The following PIEZO2 variants were observed in gnomAD, a reference collection of about 807,000 sequenced individuals.
PIEZO2 encodes the protein piezo type mechanosensitive ion channel component 2, also known as piezo-type mechanosensitive ion channel component 2.
A neutral mutation model predicts 337.3 loss-of-function variants in PIEZO2; 172 were observed. The observed-to-expected ratio is 0.51, with a 90% confidence interval of 0.45 to 0.58. The LOEUF is 0.58. Among genes scored for constraint, PIEZO2 ranks in the 20% least tolerant of loss-of-function variants. The pLI, the probability that PIEZO2 is intolerant of heterozygous loss-of-function variation, is 0.00. For missense variants in PIEZO2, 3,028 were observed against 3,391.3 expected (o/e 0.89, Z 2.66); for synonymous variants, 1,251 against 1,228.5 (o/e 1.02, Z -0.38).
rs1416491387 is a variant in PIEZO2 at position 10,748,025 on chromosome 18, GGAA to G, written c.4424+443_4424+445del. 2.0e-5 allele frequency among the ~76,000 whole-genome samples: 3 copies of G among 152,018 alleles called. No homozygotes were observed. Among genetic ancestry groups the G allele is most frequent in the African/African-American group, 7.3e-5 (3 of 41,370 alleles). ...ACTTACAAGAGCAGGGGCAAAAACT[GGAA>G]GAAGAATGGAGCCTAGGGGAAAAAA... On this transcript the variant is annotated intron_variant, in intron 30 of 55. Transcript: ENST00000674853. This position sits in a 1 kb window ranked among gnomAD's most constrained non-coding sequence, Gnocchi z 5.1.
chr18:10,878,733 AAGTCAGAAACAC>A lies in PIEZO2; in HGVS notation c.330-7330_330-7319del, dbSNP rs1368424260. Among the ~76,000 whole-genome samples, 4 of 152,182 alleles carry A rather than the reference AAGTCAGAAACAC, an allele frequency of 2.6e-5. No individual in the cohort carries two copies. Among genetic ancestry groups the A allele is most frequent in the African/African-American group, 7.2e-5 (3 of 41,438 alleles). On this transcript the variant is annotated intron_variant, in intron 4 of 55. Transcript: ENST00000674853. The surrounding 1 kb of genome is among the most constrained non-coding windows in gnomAD (Gnocchi z 4.3). ...TGTGAAGTTATATATGAAGGAAGTA[AAGTCAGAAACAC>A]AGGGTAAGGTCAGACCATACAAAGC...
intron 2 of PIEZO2, among the ~76,000 whole-genome samples, chr18:11,063,670 T>C (rs993428545): frequency 6.6e-6 from 1 of 152,206 alleles, no homozygotes; most frequent in Non-Finnish European, 1.5e-5. Context: ...CTGCCAGCAA[T>C]ACATGGTGGC....
rs1567983816 is a variant in PIEZO2 at position 10,720,407 on chromosome 18, GTGTATGTGTATGTATATATATATATATA to G, written c.5030-2176_5030-2149del. 4.2e-3 allele frequency among the ~76,000 whole-genome samples: 50 copies of G among 11,912 alleles called. 2 individuals carry two copies. Among genetic ancestry groups the G allele is most frequent in the African/African-American group, 0.013 (31 of 2,426 alleles). 7.8% of individuals were successfully genotyped at this position (11,912 alleles called of 152,430 possible). On this transcript the variant is annotated intron_variant, in intron 36 of 55. Transcript: ENST00000674853. ...TGTGTGTGTGTGTGTGTGTGTGTAT[GTGTATGTGTATGTATATATATATATATA>G]TATATATATATATATATATATATAT...
Position 10,681,709 on chromosome 18 carries a change from C to T in PIEZO2, c.7731G>A (p.Met2577Ile), listed in dbSNP as rs2034272474. The T allele has an allele frequency of 1.9e-6, 3 of 1,611,820 alleles. No individual in the cohort carries two copies. Among genetic ancestry groups the T allele is most frequent in the Middle Eastern group, 1.6e-4 (1 of 6,082 alleles). Residue 2577 changes from methionine (M) to isoleucine (I), a missense_variant, in exon 51 of 56, where the codon ATG (methionine) becomes ATA (isoleucine). This residue lies in a region of PIEZO2 where 332 missense variants were observed against 363.8 expected (regional missense o/e 0.91). Coordinates refer to ENST00000674853, the MANE Select transcript of PIEZO2 (RefSeq NM_001378183.1). ...TAAATTTGTTAAAGCTCTGCTGGTC[C>T]ATAACTTTCAACTGGCTTTGTTGGG... The part of the protein sequence containing the change: ...MSAQQSQLKV[M>I]DQQSFNKFIQ...
chr18:10,793,370 G>A (rs1406395236), intron 13 of PIEZO2, among the ~76,000 whole-genome samples: 1 of 152,284 alleles, frequency 6.6e-6, no homozygotes, highest in Middle Eastern at 3.4e-3. Context: ...GTTCCTGGGT[G>A]CATTAAAATA....
chr18:10,989,290 T>A (rs1312121206), intron 2 of PIEZO2, among the ~76,000 whole-genome samples: 5 of 152,094 alleles, frequency 3.3e-5, no homozygotes, highest in Non-Finnish European at 7.4e-5. Context: ...AACAATAGGC[T>A]ATCTAGAAGA....
intron 35 of PIEZO2, among the ~76,000 whole-genome samples, chr18:10,732,812 G>A (rs148141130): frequency 3.9e-5 from 6 of 152,272 alleles, no homozygotes; most frequent in African/African-American, 1.4e-4. Flanking sequence ...ATATCTTTGA[G>A]TTATAGTACA....
In PIEZO2 at chr18:10,746,422, T is replaced by G. The variant is rs1272881471; in HGVS notation, c.4424+2049A>C. Among the ~76,000 whole-genome samples the G allele has an allele frequency of 6.6e-6, 1 of 152,202 alleles. No individual in the cohort carries two copies. The highest frequency in any genetic ancestry group is 2.4e-5 in the African/African-American group (1 of 41,466). ...CGTAGTTTCACTGGGCTGCTTCCCC[T>G]GCCTTCTCCTCTGACTAACTCCTCT... On this transcript the variant is annotated intron_variant, in intron 30 of 55. Transcript: ENST00000674853. This position sits in a 1 kb window ranked among gnomAD's most constrained non-coding sequence, Gnocchi z 4.2.
chr18:10,754,128 A>C (rs755521874), intron 27 of PIEZO2, among the ~76,000 whole-genome samples: 3 of 152,202 alleles, frequency 2.0e-5, no homozygotes, highest in African/African-American at 7.2e-5. Flanking sequence ...TCTGGCCTTC[A>C]CACCTTGGCA....
At chr18:10,769,784 T>C (rs1416089569) in intron 21 of PIEZO2, 1 of 172,386 alleles carries the variant, frequency 5.8e-6, no homozygotes, top group Non-Finnish European at 1.2e-5. Flanking sequence ...TTTTGGAACC[T>C]GAGCTTTCTC....
At chr18:10,898,225 T>A (rs1363979530) in intron 4 of PIEZO2, among the ~76,000 whole-genome samples, 1 of 152,104 alleles carries the variant, frequency 6.6e-6, no homozygotes, top group Admixed American at 6.6e-5. Context: ...ATCGAGACCA[T>A]CCTGGCTAAC....
rs2038978191 is a variant in PIEZO2 at position 10,781,442 on chromosome 18, C to G, written c.2493-1076G>C. Among the ~76,000 whole-genome samples the G allele has an allele frequency of 6.6e-6, 1 of 150,662 alleles. No individual in the cohort carries two copies. The highest frequency in any genetic ancestry group is 2.1e-4 in the South Asian group (1 of 4,752). ...CCGAGATGGCACCACTGCACTCCAG[C>G]TTGGGCAACAGAGCGAGACTCCGTT... On this transcript the variant is annotated intron_variant, in intron 17 of 55. Coordinates refer to ENST00000674853, the MANE Select transcript of PIEZO2 (RefSeq NM_001378183.1). This position sits in a 1 kb window ranked among gnomAD's most constrained non-coding sequence, Gnocchi z 4.1.
chr18:10,844,968 G>A (rs1019355157), intron 7 of PIEZO2, among the ~76,000 whole-genome samples: 2 of 151,994 alleles, frequency 1.3e-5, no homozygotes, highest in Admixed American at 6.6e-5. Context: ...TGAAATCACA[G>A]TTTAAAGACG....
rs564264567 is a variant in PIEZO2 at position 10,877,897 on chromosome 18, G to A, written c.330-6482C>T. The stretch of plus-strand genomic sequence containing the variant: ...ATCATTTCCCTCTACCTCAAATTCC[G>A]GCCATACTGAATGCACGTACCCAGA... On this transcript the variant is annotated intron_variant, in intron 4 of 55. Coordinates refer to ENST00000674853, the MANE Select transcript of PIEZO2 (RefSeq NM_001378183.1). The surrounding 1 kb of genome is among the most constrained non-coding windows in gnomAD (Gnocchi z 5.3). 8.9e-4 allele frequency among the ~76,000 whole-genome samples: 136 copies of A among 151,966 alleles called. No homozygotes were observed. The highest frequency in any genetic ancestry group is 3.1e-3 in the African/African-American group (127 of 41,420).
At position 10,672,948 on chromosome 18, in the gene PIEZO2, G is replaced by A. The variant is rs1398255522; in HGVS notation, c.8162-75C>T. On this transcript the variant is annotated intron_variant, in intron 54 of 55. Transcript: ENST00000674853. The surrounding 1 kb of genome is among the most constrained non-coding windows in gnomAD (Gnocchi z 4.7). ...TCATGCACAGCAACAGTTTTCAGAT[G>A]GCAAAATCTGGTTACTAACTATAGC... 15 of 1,203,910 alleles carry A rather than the reference G, an allele frequency of 1.2e-5. No homozygotes were observed. The highest frequency in any genetic ancestry group is 4.7e-5 in the East Asian group (2 of 42,284). The allele number at this position is 1,203,910 out of a possible 1,614,324, so 74.6% of individuals were successfully genotyped here.
Position 10,672,819 on chromosome 18 carries a change from T to A in PIEZO2, c.8216A>T (p.Tyr2739Phe), listed in dbSNP as rs1305868876. Reference sequence around the variant, plus strand: ...GTTGAGAACCCACCACTCACTGTTATATTTAGTTGTATTGTCTCTGGACAA... The same window carrying A: ...GTTGAGAACCCACCACTCACTGTTAAATTTAGTTGTATTGTCTCTGGACAA... ...IILSRDNTTKYNSEWWVLNLT... is the reference protein window; with the variant it reads ...IILSRDNTTKFNSEWWVLNLT... Residue 2739 changes from tyrosine (Y) to phenylalanine (F), a missense_variant, in exon 55 of 56, where the codon TAT (tyrosine) becomes TTT (phenylalanine). Coordinates refer to ENST00000674853, the MANE Select transcript of PIEZO2 (RefSeq NM_001378183.1). This position sits in a 1 kb window ranked among gnomAD's most constrained non-coding sequence, Gnocchi z 4.7. The A allele has an allele frequency of 1.6e-5, 25 of 1,612,728 alleles. No individual in the cohort carries two copies. Among genetic ancestry groups the A allele is most frequent in the Non-Finnish European group, 2.0e-5 (24 of 1,178,858 alleles).
chr18:10,757,938 T>A (rs1238391304), intron 27 of PIEZO2, 31 bp downstream of exon 27: 1 of 1,511,696 alleles, frequency 6.6e-7, no homozygotes, highest in African/African-American at 1.4e-5. Flanking sequence ...CACATCAAAG[T>A]GGCTTTTAGC....
At position 11,143,639 on chromosome 18, in the gene PIEZO2, ACTCTCTCTCTCT is replaced by A. The variant is rs1243372461; in HGVS notation, c.64+4874_64+4885del. Among the ~76,000 whole-genome samples the A allele has an allele frequency of 5.4e-5, 5 of 92,804 alleles. No homozygotes were observed. The highest frequency in any genetic ancestry group is 1.1e-4 in the African/African-American group (2 of 18,758). 60.9% of individuals were successfully genotyped at this position (92,804 alleles called of 152,430 possible). On this transcript the variant is annotated intron_variant, in intron 1 of 55. Transcript: ENST00000674853. This position sits in a 1 kb window ranked among gnomAD's most constrained non-coding sequence, Gnocchi z 4.9. ...CACACACACACACACACACACACACACTCTCTCTCTCTCTCTCTCTCTCTCTCTCTCTCACTC... is the reference window on the plus strand; with the variant it reads ...CACACACACACACACACACACACACACTCTCTCTCTCTCTCTCTCTCACTC...
intron 28 of PIEZO2, among the ~76,000 whole-genome samples, chr18:10,752,200 A>T (rs529060176): frequency 6.6e-6 from 1 of 152,324 alleles, no homozygotes; most frequent in African/African-American, 2.4e-5. Context: ...AAACATGCTC[A>T]TTTTATCTCA....
Sources: gnomAD v4.1 joint callset for allele counts (sites outside exome capture counted in the v4.1 genomes callset) on GRCh38, gnomAD v4.1.1 for gene constraint, gnomAD v4.1.1 regional missense constraint, Gnocchi (gnomAD v3.1) non-coding constraint, MANE v1.5 for transcripts, NCBI Gene and HGNC (gene_info 2026-07-23, HGNC 2026-07-21) for gene names.